TMEM212: variants seen among roughly 807,000 people sequenced by gnomAD.
TMEM212 encodes the protein transmembrane protein 212.
In TMEM212, 23 loss-of-function variants were observed where a neutral mutation model predicts 20.5. The ratio of observed to expected loss-of-function variants is 1.12; its 90% CI spans 0.81 to 1.59. The LOEUF is 1.59. Among genes scored for constraint, TMEM212 ranks in the 40% most tolerant of loss-of-function variants. The pLI is 0.00. For missense variants in TMEM212, 211 were observed against 215.0 expected (o/e 0.98, Z 0.12); for synonymous variants, 76 against 81.6 (o/e 0.93, Z 0.37).
At chr3:171,852,107 G>A in intron 2 of TMEM212, 66 bp downstream of exon 2, 1 of 1,203,654 alleles carries the variant, frequency 8.3e-7, no homozygotes, top group Non-Finnish European at 1.2e-6. Flanking sequence ...ACTAAGTTCA[G>A]GATGGAACAT....
At chr3:171,847,831 A>G (rs574679954) in intron 1 of TMEM212, among the ~76,000 whole-genome samples, 5 of 152,126 alleles carry the variant, frequency 3.3e-5, no homozygotes, top group Middle Eastern at 3.4e-3. Context: ...GGGTGATCAG[A>G]TATTGAGACT....
rs897710903 is a variant in TMEM212, at chr3:171,858,104, G to T, written c.*47G>T. 5 of 152,042 alleles carry T rather than the reference G, an allele frequency of 3.3e-5. No homozygotes were observed. The highest frequency in any genetic ancestry group is 2.1e-4 in the South Asian group (1 of 4,828). 9.4% of individuals were successfully genotyped at this position (152,042 alleles called of 1,614,324 possible). ...TTCATATGGGACCAAAAAAGAGCCC[G>T]CATACCCAAGACAATCCTAAGCAAA... On this transcript the variant is annotated 3_prime_UTR_variant, in exon 5 of 5. Transcript: ENST00000334567.
intron 1 of TMEM212, among the ~76,000 whole-genome samples, chr3:171,851,133 C>A (rs1322309682): frequency 6.6e-6 from 1 of 152,186 alleles, no homozygotes; most frequent in Non-Finnish European, 1.5e-5. Context: ...AGGCACATCT[C>A]TTCCTCTTTC....
rs554200733 is a variant in TMEM212, at chr3:171,858,469, C to T, written c.*412C>T. 3.3e-5 allele frequency: 5 copies of T among 152,148 alleles called. No homozygotes were observed. In the South Asian group the frequency reaches 8.3e-4, roughly 25 times the overall value. 9.4% of individuals were successfully genotyped at this position (152,148 alleles called of 1,614,324 possible). Reference sequence around the variant, plus strand: ...TGTAAGACCTAAAACCATAAAAACCCTAGAAGAAAACCTAGGCAATACCAT... The same window carrying T: ...TGTAAGACCTAAAACCATAAAAACCTTAGAAGAAAACCTAGGCAATACCAT... On this transcript the variant is annotated 3_prime_UTR_variant, in exon 5 of 5. Transcript: ENST00000334567.
intron 2 of TMEM212, among the ~76,000 whole-genome samples, chr3:171,852,445 C>A (rs990477456): frequency 6.6e-6 from 1 of 152,226 alleles, no homozygotes; most frequent in Non-Finnish European, 1.5e-5. Context: ...AGGTGATCCA[C>A]CCACATCAGT....
At chr3:171,857,731 T>C (rs1725153038) in intron 4 of TMEM212, among the ~76,000 whole-genome samples, 1 of 152,112 alleles carries the variant, frequency 6.6e-6, no homozygotes, top group Admixed American at 6.6e-5. Flanking sequence ...ATGACCTGCG[T>C]AGACATTTTT....
At chr3:171,856,570 A>C (rs1725122048) in intron 3 of TMEM212, 93 bp from the exon 4 acceptor site, 1 of 537,500 alleles carries the variant, frequency 1.9e-6, no homozygotes, top group African/African-American at 1.9e-5. Context: ...TTGGGAGCTA[A>C]GTGGACCCCT....
chr3:171,849,150 T>C (rs926959511), intron 1 of TMEM212, among the ~76,000 whole-genome samples: 4 of 152,040 alleles, frequency 2.6e-5, no homozygotes, highest in Non-Finnish European at 5.9e-5. Context: ...TTCCCCACCT[T>C]TGCACATGCT....
intron 3 of TMEM212, 47 bp from the exon 4 acceptor site, chr3:171,856,616 T>A: frequency 1.5e-6 from 1 of 658,034 alleles, no homozygotes; most frequent in Non-Finnish European, 2.8e-6. Context: ...ATCATAGGAC[T>A]ATTTAAGAAG....
chr3:171,851,607 C>G (rs1724978003), intron 1 of TMEM212, among the ~76,000 whole-genome samples: 1 of 152,202 alleles, frequency 6.6e-6, no homozygotes, highest in African/African-American at 2.4e-5. Context: ...CTTCCATTTA[C>G]AGTTTCATCA....
At chr3:171,844,500 G>A (rs998245239) in intron 1 of TMEM212, among the ~76,000 whole-genome samples, 1 of 152,188 alleles carries the variant, frequency 6.6e-6, no homozygotes, top group African/African-American at 2.4e-5. Context: ...GAGGTCAGGA[G>A]TTCGAGACCA....
At chr3:171,847,069 T>C (rs899262205) in intron 1 of TMEM212, among the ~76,000 whole-genome samples, 1 of 152,228 alleles carries the variant, frequency 6.6e-6, no homozygotes, top group African/African-American at 2.4e-5. Flanking sequence ...GTCCTCAGAC[T>C]CCCTAGTTCC....
chr3:171,843,632 C>A, intron 1 of TMEM212, 90 bp downstream of exon 1: 2 of 1,166,418 alleles, frequency 1.7e-6, no homozygotes, highest in Non-Finnish European at 1.1e-6. Flanking sequence ...TTAAATTGTT[C>A]TAACAATACA....
chr3:171,845,493 C>T (rs1245402179), intron 1 of TMEM212, among the ~76,000 whole-genome samples: 3 of 152,094 alleles, frequency 2.0e-5, no homozygotes, highest in African/African-American at 7.2e-5. Context: ...TTTGCCTATC[C>T]TTTCAGACTG....
chr3:171,851,899 G>A, intron 1 of TMEM212, 83 bp from the exon 2 acceptor site: 2 of 1,234,824 alleles, frequency 1.6e-6, no homozygotes, highest in South Asian at 2.6e-5. Flanking sequence ...TCATGATAAA[G>A]TTGTCAAACT....
In TMEM212 at chr3:171,856,889, T is replaced by A. The variant is rs114595888; in HGVS notation, c.*3+182T>A. 3.1e-3 allele frequency: 1,267 copies of A among 413,140 alleles called. 2 individuals carry two copies. Among genetic ancestry groups the A allele is most frequent in the Non-Finnish European group, 4.5e-3 (1,036 of 231,992 alleles). The allele number at this position is 413,140 out of a possible 1,614,324, so 25.6% of individuals were successfully genotyped here. On this transcript the variant is annotated intron_variant, in intron 4 of 4. Transcript: ENST00000334567. ...GGGATGTTTCCCCTTTCTAGTACTA[T>A]GAAGCTGAAGGCATGTAAATCTGCT... is the stretch of plus-strand genomic sequence containing the variant.
intron 1 of TMEM212, among the ~76,000 whole-genome samples, chr3:171,845,131 T>A (rs1724802661): frequency 6.6e-6 from 1 of 152,200 alleles, no homozygotes; most frequent in Non-Finnish European, 1.5e-5. Context: ...AAATATTTGT[T>A]TAAGTTCTAC....
In TMEM212 at chr3:171,858,761, A is replaced by G. The variant is rs1725178820; in HGVS notation, c.*704A>G. ...AACAACCACATCAAAAAGTAGGCAA[A>G]GGACATGGACACTTCTCAAAAGAAG... On this transcript the variant is annotated 3_prime_UTR_variant, in exon 5 of 5. Coordinates refer to ENST00000334567, the MANE Select transcript of TMEM212 (RefSeq NM_001164436.2). 6.6e-6 allele frequency: 1 copy of G among 152,238 alleles called. No homozygotes were observed. Among genetic ancestry groups the G allele is most frequent in the Non-Finnish European group, 1.5e-5 (1 of 68,050 alleles). The allele number at this position is 152,238 out of a possible 1,614,324, so 9.4% of individuals were successfully genotyped here. A position where few individuals can be genotyped will look rare whatever the true frequency, so the allele number is the denominator to read the frequency against.
rs941859899 is a variant in TMEM212, at chr3:171,858,273, A to C, written c.*216A>C. On this transcript the variant is annotated 3_prime_UTR_variant, in exon 5 of 5. Coordinates refer to ENST00000334567, the MANE Select transcript of TMEM212 (RefSeq NM_001164436.2). ...AGGCCTCAGAAATAACACCACACAT[A>C]TACAACCATCTGATCTTTGACAAAC... 6.6e-6 allele frequency: 1 copy of C among 152,052 alleles called. No individual in the cohort carries two copies. The highest frequency in any genetic ancestry group is 1.5e-5 in the Non-Finnish European group (1 of 68,002). 9.4% of individuals were successfully genotyped at this position (152,052 alleles called of 1,614,324 possible).
Sources: allele counts gnomAD v4.1 joint callset (sites outside exome capture counted in the v4.1 genomes callset), GRCh38; gene constraint gnomAD v4.1.1; transcripts MANE v1.5; gene names NCBI Gene and HGNC (gene_info 2026-07-23, HGNC 2026-07-21).